PAK2: variants seen among roughly 807,000 people sequenced by gnomAD.
PAK2 encodes the protein p21 (RAC1) activated kinase 2.
In PAK2, 21 loss-of-function variants were observed where a neutral mutation model predicts 65.9. The observed-to-expected ratio is 0.32, with a 90% confidence interval of 0.23 to 0.46. The LOEUF (loss-of-function observed/expected upper bound fraction) is 0.46. PAK2 is among the 20% of genes least tolerant of loss of function. The probability of loss-of-function intolerance (pLI) is 1.00; values close to 1 mark genes in which losing one functional copy is unlikely to be tolerated. For synonymous variants in PAK2, 204 were observed against 219.7 expected (o/e 0.93, Z 0.63); for missense variants, 324 against 642.6 (o/e 0.50, Z 5.36).
intron 1 of PAK2, among the ~76,000 whole-genome samples, chr3:196,761,040 C>T (rs946983734): frequency 6.6e-6 from 1 of 151,942 alleles, no homozygotes; most frequent in African/African-American, 2.4e-5. Context: ...ACCAGCCTGA[C>T]CAACATGGAG....
At chr3:196,811,237 T>TCCCTC (rs1715789014) in intron 8 of PAK2, among the ~76,000 whole-genome samples, 4 of 4,040 alleles carry the variant, frequency 9.9e-4, no homozygotes, top group African/African-American at 1.8e-3. Context: ...TCCCTTCCCT[T>TCCCTC]CCTTCCCTCC....
chr3:196,813,301 G>T (rs1216147489), intron 10 of PAK2, among the ~76,000 whole-genome samples: 1 of 151,928 alleles, frequency 6.6e-6, no homozygotes, highest in East Asian at 1.9e-4. Flanking sequence ...AATAGAAAAT[G>T]ATGCATATTG....
intron 12 of PAK2, among the ~76,000 whole-genome samples, chr3:196,819,102 G>A (rs1191840963): frequency 6.6e-6 from 1 of 152,108 alleles, no homozygotes; most frequent in Non-Finnish European, 1.5e-5. Context: ...GAGCAGTAAG[G>A]GAATAATTAC....
chr3:196,794,018 C>A (rs1290839010), intron 2 of PAK2, among the ~76,000 whole-genome samples: 1 of 152,084 alleles, frequency 6.6e-6, no homozygotes, highest in African/African-American at 2.4e-5. Flanking sequence ...GTAATCCCAG[C>A]TACTCAGGAG....
chr3:196,823,385 C>A (rs1055965750), intron 13 of PAK2, among the ~76,000 whole-genome samples: 3 of 152,096 alleles, frequency 2.0e-5, no homozygotes, highest in Non-Finnish European at 4.4e-5. Flanking sequence ...AAGAGGCTCG[C>A]CTCCAGTGGC....
intron 1 of PAK2, among the ~76,000 whole-genome samples, chr3:196,742,786 A>G (rs376043299): frequency 0.022 from 3,392 of 152,194 alleles, 52 homozygotes; most frequent in African/African-American, 0.038. Flanking sequence ...GCTTGGTGGC[A>G]GGCGCCTGTA....
chr3:196,804,030 T>C (rs1011427611), intron 4 of PAK2, among the ~76,000 whole-genome samples: 6 of 152,214 alleles, frequency 3.9e-5, no homozygotes, highest in Admixed American at 3.9e-4. Flanking sequence ...TTGACGTTTA[T>C]TTATTACAGA....
At chr3:196,759,866 C>T (rs1713905325) in intron 1 of PAK2, among the ~76,000 whole-genome samples, 1 of 151,986 alleles carries the variant, frequency 6.6e-6, no homozygotes, top group Non-Finnish European at 1.5e-5. Context: ...AGTTATACAG[C>T]CGTCCCCACT....
chr3:196,787,334 A>T (rs1714922337), intron 2 of PAK2, among the ~76,000 whole-genome samples: 1 of 152,066 alleles, frequency 6.6e-6, no homozygotes, highest in South Asian at 2.1e-4. Flanking sequence ...TAATCTCAGC[A>T]CTTTGGGAGG....
At chr3:196,800,150 GC>G (rs1474147655) in intron 2 of PAK2, among the ~76,000 whole-genome samples, 2 of 152,212 alleles carry the variant, frequency 1.3e-5, no homozygotes, top group Non-Finnish European at 2.9e-5. Context: ...GCAAGCCAAA[GC>G]AGATGGATCG....
At chr3:196,745,706 C>T (rs969437082) in intron 1 of PAK2, among the ~76,000 whole-genome samples, 7 of 151,726 alleles carry the variant, frequency 4.6e-5, no homozygotes, top group Non-Finnish European at 8.8e-5. Flanking sequence ...TCCAGCTACT[C>T]CGGAGGCTGA....
At chr3:196,819,558 G>A (rs1212227548) in intron 12 of PAK2, among the ~76,000 whole-genome samples, 2 of 152,034 alleles carry the variant, frequency 1.3e-5, no homozygotes, top group African/African-American at 4.8e-5. Context: ...AAACCAAACC[G>A]TTCATAGATA....
intron 10 of PAK2, 58 bp downstream of exon 10, chr3:196,812,909 G>A: frequency 1.3e-6 from 1 of 768,450 alleles, no homozygotes; most frequent in Non-Finnish European, 2.2e-6. Flanking sequence ...AAGTCTCATG[G>A]TTTCGGGGGT....
chr3:196,753,056 G>A (rs1713660540), intron 1 of PAK2, among the ~76,000 whole-genome samples: 2 of 149,312 alleles, frequency 1.3e-5, no homozygotes, highest in South Asian at 2.1e-4. Flanking sequence ...ATGGCTCACT[G>A]CAACTTCCGC....
intron 1 of PAK2, among the ~76,000 whole-genome samples, chr3:196,774,858 T>C (rs1248023276): frequency 6.6e-6 from 1 of 152,222 alleles, no homozygotes; most frequent in Non-Finnish European, 1.5e-5. Flanking sequence ...AGAAACCCTC[T>C]AGGGAGCTAG....
At chr3:196,814,910 T>C (rs1035365292) in intron 11 of PAK2, among the ~76,000 whole-genome samples, 5 of 152,304 alleles carry the variant, frequency 3.3e-5, no homozygotes, top group South Asian at 2.1e-4. Context: ...CTGGGCGCGG[T>C]GGCTCACGCC....
At chr3:196,819,115 G>A (rs1258760083) in intron 12 of PAK2, among the ~76,000 whole-genome samples, 4 of 152,092 alleles carry the variant, frequency 2.6e-5, no homozygotes, top group African/African-American at 9.7e-5. Flanking sequence ...ATAATTACAT[G>A]GATTATTATA....
rs1261523763 is a variant in PAK2 at position 196,828,731 on chromosome 3, A to G, written c.*326A>G. 4 of 255,496 alleles carry G rather than the reference A, an allele frequency of 1.6e-5. No individual in the cohort carries two copies. The highest frequency in any genetic ancestry group is 4.6e-5 in the African/African-American group (2 of 43,040). The allele number at this position is 255,496 out of a possible 1,614,324, so 15.8% of individuals were successfully genotyped here. On this transcript the variant is annotated 3_prime_UTR_variant, in exon 15 of 15. Coordinates refer to ENST00000327134, the MANE Select transcript of PAK2 (RefSeq NM_002577.4). The stretch of plus-strand genomic sequence containing the variant: ...GACTTTGTTGTAATAGATCCCATTC[A>G]TTGTCCCCTTTGGGGTATTTCCAAT...
chr3:196,802,613 G>A (rs1054556796), intron 3 of PAK2, among the ~76,000 whole-genome samples: 4 of 152,120 alleles, frequency 2.6e-5, no homozygotes, highest in African/African-American at 9.7e-5. Context: ...GGGAGGCCGA[G>A]GCGGGTGGAT....
Sources: gnomAD v4.1 joint callset for allele counts (sites outside exome capture counted in the v4.1 genomes callset) on GRCh38, gnomAD v4.1.1 for gene constraint, MANE v1.5 for transcripts, NCBI Gene and HGNC (gene_info 2026-07-23, HGNC 2026-07-21) for gene names.